Variants in SOCS7 observed in about 807,000 individuals in gnomAD.
SOCS7 encodes NAP-4.
SOCS7 carries 18 observed loss-of-function variants against 58.9 expected under a neutral mutation model. The ratio of observed to expected loss-of-function variants is 0.31; its 90% CI spans 0.21 to 0.45. SOCS7 has a LOEUF of 0.45. Ranked by LOEUF, SOCS7 falls within the 20% of genes least tolerant of loss-of-function variation. The pLI is 1.00. For synonymous variants in SOCS7, 388 were observed against 364.3 expected, an observed-to-expected ratio of 1.06 and a Z score of -0.74; for missense variants, 667 against 837.3, an observed-to-expected ratio of 0.80 and a Z score of 2.51.
chr17:38,372,844 C>T (rs770924091), intron 6 of SOCS7, among the ~76,000 whole-genome samples: 28 of 152,294 alleles, frequency 1.8e-4, no homozygotes, highest in Middle Eastern at 3.4e-3. Context: ...CGGTGGCTCA[C>T]ACCTGTAATC....
intron 2 of SOCS7, 117 bp downstream of exon 2, chr17:38,361,892 T>G: frequency 2.8e-6 from 2 of 721,678 alleles, no homozygotes; most frequent in Non-Finnish European, 4.6e-6. Flanking sequence ...AGTTATTTCC[T>G]TCATTCCATG....
Position 38,368,016 on chromosome 17 carries a change from T to G in SOCS7, c.1518T>G (p.Gly506=). 3 of 1,614,120 alleles carry G rather than the reference T, an allele frequency of 1.9e-6. No homozygotes were observed. Among genetic ancestry groups the G allele is most frequent in the Non-Finnish European group, 1.7e-6 (2 of 1,180,014 alleles). ...YILSLSFRSQ[G]ITHHTRMEHY... The stretch of plus-strand genomic sequence containing the variant: ...TGAGCCTCAGTTTCCGATCACAGGG[T>G]ATCACCCACCACACTAGAATGGAGC... The change falls in exon 6 of 10, where the codon GGT becomes GGG. Residue 506 remains glycine, a synonymous_variant. Coordinates refer to ENST00000612932, the MANE Select transcript of SOCS7 (RefSeq NM_014598.4).
At chr17:38,379,169 A>AT (rs1400317931) in intron 7 of SOCS7, among the ~76,000 whole-genome samples, 12 of 147,968 alleles carry the variant, frequency 8.1e-5, no homozygotes, top group Non-Finnish European at 1.6e-4. Context: ...AAAAAAAAAA[A>AT]CAAAAAAAAA....
chr17:38,377,596 C>A, intron 6 of SOCS7, 118 bp from the exon 7 acceptor site: 1 of 838,636 alleles, frequency 1.2e-6, no homozygotes, highest in Non-Finnish European at 1.8e-6. Flanking sequence ...ACCTTTGAGC[C>A]AGCTTGCCCC....
intron 7 of SOCS7, among the ~76,000 whole-genome samples, chr17:38,393,731 C>G (rs8080067): frequency 6.6e-6 from 1 of 151,260 alleles, no homozygotes. Context: ...AAACCCCGTC[C>G]CTACTGAAAA....
In SOCS7 at chr17:38,361,891, C is replaced by T. The variant is rs41439448; in HGVS notation, c.1045+116C>T. 2.1e-3 allele frequency: 1,498 copies of T among 727,958 alleles called. 13 individuals carry two copies. The African/African-American group carries it at 0.022, about 11-fold the overall frequency. 45.1% of individuals were successfully genotyped at this position (727,958 alleles called of 1,614,324 possible). A position where few individuals can be genotyped will look rare whatever the true frequency, so the allele number is the denominator to read the frequency against. The stretch of plus-strand genomic sequence containing the variant: ...CTGTAGGCGTGTCTGCAGTTATTTC[C>T]TTCATTCCATGCTTAGTGGGTTTGG... On this transcript the variant is annotated intron_variant, in intron 2 of 9. Coordinates refer to ENST00000612932, the MANE Select transcript of SOCS7 (RefSeq NM_014598.4).
At chr17:38,389,890 TATATATATACACATATAGAGAGAG>T in intron 7 of SOCS7, among the ~76,000 whole-genome samples, 4 of 91,900 alleles carry the variant, frequency 4.4e-5, no homozygotes, top group Non-Finnish European at 7.6e-5. Context: ...TATGTACATA[TATATATATACACATATAGAGAGAG>T]AGAGAGAGAG....
rs2038357051 is a variant in SOCS7, at chr17:38,403,988, A to G, written c.*4506A>G. 1 of 152,082 alleles carries G rather than the reference A, an allele frequency of 6.6e-6. No homozygotes were observed. The highest frequency in any genetic ancestry group is 1.5e-5 in the Non-Finnish European group (1 of 68,012). The allele number at this position is 152,082 out of a possible 1,614,324, so 9.4% of individuals were successfully genotyped here. A position where few individuals can be genotyped will look rare whatever the true frequency, so the allele number is the denominator to read the frequency against. ...TTTATTAAAAAAAGAAAAAGAAAAAAAAAAGAAAGAAAAGTGTGCCCCCCT... is the reference window on the plus strand; with the variant it reads ...TTTATTAAAAAAAGAAAAAGAAAAAGAAAAGAAAGAAAAGTGTGCCCCCCT... On this transcript the variant is annotated 3_prime_UTR_variant, in exon 10 of 10. Transcript: ENST00000612932.
In SOCS7 at chr17:38,352,868, C is replaced by T; in HGVS notation, c.816C>T (p.Gly272=). The change falls in exon 1 of 10, where the codon GGC becomes GGT. Residue 272 remains glycine (G), a synonymous_variant. Coordinates refer to ENST00000612932, the MANE Select transcript of SOCS7 (RefSeq NM_014598.4). The surrounding 1 kb of genome is among the most constrained non-coding windows in gnomAD (Gnocchi z 5.5). ...CACTCGCGGGTCCTTCTCGGAAGGGCTCCTTCAAAATCCGCCTCAGTCGCC... is the reference window on the plus strand; with the variant it reads ...CACTCGCGGGTCCTTCTCGGAAGGGTTCCTTCAAAATCCGCCTCAGTCGCC... ...LRPLAGPSRK[G]SFKIRLSRLF... 2 of 1,592,572 alleles carry T rather than the reference C, an allele frequency of 1.3e-6. No homozygotes were observed. The highest frequency in any genetic ancestry group is 4.6e-5 in the East Asian group (2 of 43,930).
At chr17:38,383,209 C>T (rs186032322) in intron 7 of SOCS7, among the ~76,000 whole-genome samples, 53 of 152,272 alleles carry the variant, frequency 3.5e-4, no homozygotes, top group Middle Eastern at 3.4e-3. Context: ...TCAGTTTCCT[C>T]AACAGTAAAA....
chr17:38,379,886 T>A (rs1300315138), intron 7 of SOCS7, among the ~76,000 whole-genome samples: 1 of 152,168 alleles, frequency 6.6e-6, no homozygotes, highest in Non-Finnish European at 1.5e-5. Context: ...AACTTAATTA[T>A]CAAAAATAAG....
chr17:38,388,674 C>A (rs1243651726), intron 7 of SOCS7, among the ~76,000 whole-genome samples: 1 of 152,174 alleles, frequency 6.6e-6, no homozygotes, highest in African/African-American at 2.4e-5. Context: ...ACTTCCTGGC[C>A]CCTACCAACC....
intron 2 of SOCS7, among the ~76,000 whole-genome samples, chr17:38,363,109 CAA>C (rs755642509): frequency 2.2e-5 from 3 of 138,864 alleles, no homozygotes; most frequent in African/African-American, 2.6e-5. Context: ...GCCTCTGTCT[CAA>C]AAAAAAAAAA....
chr17:38,356,314 C>G (rs587676158), intron 1 of SOCS7, among the ~76,000 whole-genome samples: 1 of 151,844 alleles, frequency 6.6e-6, no homozygotes, highest in East Asian at 2.0e-4. Flanking sequence ...CCAGGAAGTT[C>G]AAGGGCACAG....
At chr17:38,385,567 G>A (rs188124239) in intron 7 of SOCS7, among the ~76,000 whole-genome samples, 6 of 151,234 alleles carry the variant, frequency 4.0e-5, no homozygotes, top group Middle Eastern at 3.4e-3. Context: ...AAATCCTTCC[G>A]TGTGCCCCAT....
intron 2 of SOCS7, 91 bp from the exon 3 acceptor site, chr17:38,364,661 C>A: frequency 9.9e-7 from 1 of 1,015,048 alleles, no homozygotes; most frequent in South Asian, 1.3e-5. Context: ...AGACCCCCAG[C>A]CTCGCCTGCT....
chr17:38,357,192 G>A (rs753442449), intron 1 of SOCS7, among the ~76,000 whole-genome samples: 6 of 152,196 alleles, frequency 3.9e-5, no homozygotes, highest in Non-Finnish European at 7.3e-5. Flanking sequence ...CCTGGCAGAC[G>A]TGAGAAACTT....
intron 7 of SOCS7, among the ~76,000 whole-genome samples, chr17:38,387,758 T>C (rs1330922573): frequency 7.4e-6 from 1 of 134,442 alleles, no homozygotes; most frequent in African/African-American, 3.1e-5. Flanking sequence ...GAATTAAACA[T>C]ACTTAATGGC....
intron 6 of SOCS7, among the ~76,000 whole-genome samples, chr17:38,369,509 A>G (rs1172609621): frequency 1.3e-5 from 2 of 152,190 alleles, no homozygotes; most frequent in East Asian, 3.8e-4. Flanking sequence ...ACAAAAACAC[A>G]CAAGGAAAAA....
Sources: allele counts gnomAD v4.1 joint callset (sites outside exome capture counted in the v4.1 genomes callset), GRCh38; gene constraint gnomAD v4.1.1; non-coding constraint Gnocchi (gnomAD v3.1); transcripts MANE v1.5; gene names NCBI Gene and HGNC (gene_info 2026-07-23, HGNC 2026-07-21).